The following VPS13B variants were observed in gnomAD, a reference collection of about 807,000 sequenced individuals.
VPS13B encodes vacuolar protein sorting 13 homolog B.
A neutral mutation model predicts 426.4 loss-of-function variants in VPS13B; 285 were observed. The observed-to-expected ratio is 0.67, with a 90% CI of 0.61 to 0.74. The LOEUF (loss-of-function observed/expected upper bound fraction) is 0.74. Among genes scored for constraint, VPS13B ranks in the 30% least tolerant of loss-of-function variants. The pLI is 0.00. For missense variants in VPS13B, 4,537 were observed against 4,782.6 expected, an observed-to-expected ratio of 0.95 and a Z score of 1.51; for synonymous variants, 1,676 against 1,676.4, an observed-to-expected ratio of 1.00 and a Z score of 0.01.
rs570424195 is a variant in VPS13B at position 99,271,489 on chromosome 8, T to C, written c.2516-2709T>C. Among the ~76,000 whole-genome samples the C allele has an allele frequency of 2.2e-3, 340 of 152,222 alleles. 1 individual carries two copies. The highest frequency in any genetic ancestry group is 6.8e-3 in the Middle Eastern group (2 of 294). ...ATGGACACAATTCAGGTGGCAAATA[T>C]TGGAAAATAGCAACCAATTAGTACA... is the stretch of plus-strand genomic sequence containing the variant. On this transcript the variant is annotated intron_variant, in intron 17 of 61. Coordinates refer to ENST00000357162, the MANE Select transcript of VPS13B (RefSeq NM_152564.5).
chr8:99,274,991 A>G (rs1449485848), intron 18 of VPS13B, 90 bp from the exon 19 acceptor site: 2 of 1,103,304 alleles, frequency 1.8e-6, no homozygotes, highest in Non-Finnish European at 2.5e-6. Context: ...TTGAAATGTT[A>G]TATTATGGTG....
rs71273163 is a variant in VPS13B, at chr8:99,106,434, C to CAAA, written c.580+3332_580+3334dup. 6.3e-4 allele frequency among the ~76,000 whole-genome samples: 53 copies of CAAA among 83,842 alleles called. 2 individuals carry two copies. Among genetic ancestry groups the CAAA allele is most frequent in the African/African-American group, 1.5e-3 (30 of 19,934 alleles). 55.0% of individuals were successfully genotyped at this position (83,842 alleles called of 152,430 possible). On this transcript the variant is annotated intron_variant, in intron 5 of 61. Coordinates refer to ENST00000357162, the MANE Select transcript of VPS13B (RefSeq NM_152564.5). The stretch of plus-strand genomic sequence containing the variant: ...TTGGCGATAGAGTGAGACTCCACCT[C>CAAA]AAAAAAAAAAAAAAAAAAAACCCAA...
chr8:99,266,342 C>T (rs933895286), intron 17 of VPS13B, among the ~76,000 whole-genome samples: 1 of 151,562 alleles, frequency 6.6e-6, no homozygotes, highest in African/African-American at 2.4e-5. Flanking sequence ...AGCCCAGGAG[C>T]TCGATATTAC....
At chr8:99,701,035 G>A (rs189081346) in intron 36 of VPS13B, among the ~76,000 whole-genome samples, 3 of 152,250 alleles carry the variant, frequency 2.0e-5, no homozygotes, top group Admixed American at 2.0e-4. Context: ...ACATAGCCAG[G>A]TTGGGCACAG....
In VPS13B at chr8:99,766,780, T is replaced by C. The variant is rs753230698; in HGVS notation, c.7057T>C (p.Cys2353Arg). 6.2e-7 allele frequency: 1 copy of C among 1,613,508 alleles called. No individual in the cohort carries two copies. Among genetic ancestry groups the C allele is most frequent in the East Asian group, 2.2e-5 (1 of 44,796 alleles). ...TTTTTTTATTTTAACATAGGTTCCT[T>C]GTAGCTTGGAATACTGGGATGAACT... ...ADLGDVLQVP[C>R]SLEYWDELQK... Residue 2353 changes from cysteine (C) to arginine (R), a missense_variant, in exon 40 of 62, where the codon TGT (cysteine) becomes CGT (arginine). Physicochemically the swap from Cys to Arg is radical, Grantham distance 180. Transcript: ENST00000357162.
chr8:99,294,402 A>AG (rs1236031352), intron 19 of VPS13B, among the ~76,000 whole-genome samples: 2 of 98,464 alleles, frequency 2.0e-5, no homozygotes, highest in South Asian at 4.2e-4. Flanking sequence ...GGGTGGGGGG[A>AG]GGGGGGAGAG....
At chr8:99,058,293 C>T (rs552803275) in intron 3 of VPS13B, among the ~76,000 whole-genome samples, 1 of 151,456 alleles carries the variant, frequency 6.6e-6, no homozygotes, top group East Asian at 1.9e-4. Flanking sequence ...ATAATGCCCC[C>T]TTTTTTTATT....
At chr8:99,015,440 TC>T (rs1841562958) in intron 2 of VPS13B, among the ~76,000 whole-genome samples, 2 of 151,040 alleles carry the variant, frequency 1.3e-5, no homozygotes, top group African/African-American at 4.9e-5. Context: ...ATGGTCTCGA[TC>T]TCCTGACCTC....
intron 48 of VPS13B, 33 bp from the exon 49 acceptor site, chr8:99,819,888 C>A: frequency 2.5e-6 from 4 of 1,608,884 alleles, no homozygotes; most frequent in Middle Eastern, 1.7e-4. Flanking sequence ...TATCATATTT[C>A]ATTGAGTCTC....
intron 24 of VPS13B, among the ~76,000 whole-genome samples, chr8:99,474,068 T>G (rs1380016536): frequency 6.6e-6 from 1 of 152,190 alleles, no homozygotes; most frequent in Non-Finnish European, 1.5e-5. Context: ...ATCTTGATAT[T>G]GGGCGTAATC....
chr8:99,167,716 A>G (rs990038672), intron 15 of VPS13B, among the ~76,000 whole-genome samples: 1 of 152,072 alleles, frequency 6.6e-6, no homozygotes, highest in African/African-American at 2.4e-5. Flanking sequence ...TTATTTACTA[A>G]TTGGGATTTT....
In VPS13B at chr8:99,725,582, T is replaced by C. The variant is rs184224989; in HGVS notation, c.7050+4535T>C. ...AAACCGGTCCCTGGTGCCAAAAAGA[T>C]TGGGGACCACTGCTTTACAGTATCC... On this transcript the variant is annotated intron_variant, in intron 39 of 61. Transcript: ENST00000357162. Among the ~76,000 whole-genome samples, 10 of 152,328 alleles carry C rather than the reference T, an allele frequency of 6.6e-5. No homozygotes were observed. In the East Asian group the frequency reaches 1.2e-3, roughly 18 times the overall value.
rs897951967 is a variant in VPS13B at position 99,121,068 on chromosome 8, T to C, written c.938-109T>C. 81 of 918,842 alleles carry C rather than the reference T, an allele frequency of 8.8e-5. No individual in the cohort carries two copies. The South Asian group carries it at 9.7e-4, about 11-fold the overall frequency. The allele number at this position is 918,842 out of a possible 1,614,324, so 56.9% of individuals were successfully genotyped here. A position where few individuals can be genotyped will look rare whatever the true frequency, so the allele number is the denominator to read the frequency against. ...TAATAATCACTGTATCATTTGTTTA[T>C]ACCTTATATTAGAAGGATATGGGAG... On this transcript the variant is annotated intron_variant, in intron 7 of 61. Transcript: ENST00000357162.
chr8:99,357,107 G>A (rs1284619920), intron 19 of VPS13B, among the ~76,000 whole-genome samples: 1 of 151,998 alleles, frequency 6.6e-6, no homozygotes, highest in Non-Finnish European at 1.5e-5. Context: ...CAATCTAATT[G>A]ATCAACTCCT....
At chr8:99,501,609 G>T in intron 25 of VPS13B, 78 bp from the exon 26 acceptor site, 1 of 1,417,642 alleles carries the variant, frequency 7.1e-7, no homozygotes, top group South Asian at 1.2e-5. Flanking sequence ...AATAATTTCT[G>T]ATTTTAATTT....
rs1309132091 is a variant in VPS13B at position 99,582,848 on chromosome 8, G to C, written c.5220+5215G>C. ...TTTTTTGTATTTTTAGGAGAGACGG[G>C]GTTTCACCGTGTTAGCCAGGATGGT... On this transcript the variant is annotated intron_variant, in intron 33 of 61. Coordinates refer to ENST00000357162, the MANE Select transcript of VPS13B (RefSeq NM_152564.5). 2.0e-5 allele frequency among the ~76,000 whole-genome samples: 3 copies of C among 152,150 alleles called. No homozygotes were observed. In the East Asian group the frequency reaches 5.8e-4, roughly 29 times the overall value.
chr8:99,569,012 C>T (rs937170285), intron 31 of VPS13B, among the ~76,000 whole-genome samples: 1 of 151,426 alleles, frequency 6.6e-6, no homozygotes, highest in Admixed American at 6.6e-5. Context: ...TTAGTAGAGA[C>T]GGGGTCTCAC....
intron 57 of VPS13B, among the ~76,000 whole-genome samples, chr8:99,861,545 T>A (rs1054789298): frequency 6.6e-6 from 1 of 152,198 alleles, no homozygotes; most frequent in African/African-American, 2.4e-5. Flanking sequence ...CAAGCAATCC[T>A]CCTGCGCTGG....
chr8:99,671,181 G>A (rs994832220), intron 35 of VPS13B, among the ~76,000 whole-genome samples: 5 of 152,102 alleles, frequency 3.3e-5, no homozygotes, highest in African/African-American at 1.2e-4. Flanking sequence ...AGCCATTCTA[G>A]CAGGAATGAT....
Sources: allele counts gnomAD v4.1 joint callset (sites outside exome capture counted in the v4.1 genomes callset), GRCh38; gene constraint gnomAD v4.1.1; transcripts MANE v1.5; gene names NCBI Gene and HGNC (gene_info 2026-07-23, HGNC 2026-07-21).